The following PDS5A variants were observed in gnomAD, a reference collection of about 807,000 sequenced individuals.
The protein encoded by PDS5A is sister chromatid cohesion protein PDS5 homolog A.
A neutral mutation model predicts 167.1 loss-of-function variants in PDS5A; 42 were observed. The ratio of observed to expected loss-of-function variants is 0.25; its 90% CI spans 0.20 to 0.33. The LOEUF is 0.33. Ranked by LOEUF, PDS5A falls within the 10% of genes least tolerant of loss-of-function variation. The pLI, the probability that PDS5A is intolerant of heterozygous loss-of-function variation, is 1.00. For synonymous variants in PDS5A, 553 were observed against 554.6 expected (o/e 1.00, Z 0.04); for missense variants, 1,033 against 1,605.9 (o/e 0.64, Z 6.10).
At chr4:39,971,840 T>G (rs1375133742) in intron 2 of PDS5A, among the ~76,000 whole-genome samples, 1 of 152,210 alleles carries the variant, frequency 6.6e-6, no homozygotes, top group Admixed American at 6.5e-5. Flanking sequence ...TTTATAAAAT[T>G]ATCAATAACT....
At chr4:39,841,147 A>G (rs946254097) in intron 31 of PDS5A, among the ~76,000 whole-genome samples, 2 of 151,624 alleles carry the variant, frequency 1.3e-5, no homozygotes, top group Non-Finnish European at 2.9e-5. Context: ...AAAACTCTCA[A>G]TTCCTTTTTT....
intron 9 of PDS5A, 138 bp from the exon 10 acceptor site, chr4:39,910,476 A>AGATTG: frequency 1.7e-6 from 1 of 580,554 alleles, no homozygotes; most frequent in South Asian, 2.2e-5. Context: ...GGTATTCTGA[A>AGATTG]GGAAGAATAT....
At chr4:39,825,551 A>C in intron 32 of PDS5A, 63 bp from the exon 33 acceptor site, 1 of 1,252,818 alleles carries the variant, frequency 8.0e-7, no homozygotes, top group Non-Finnish European at 1.1e-6. Flanking sequence ...ACCAAACGAA[A>C]ATGATTTCAT....
At chr4:39,839,215 C>T (rs186588772) in intron 31 of PDS5A, among the ~76,000 whole-genome samples, 86 of 151,972 alleles carry the variant, frequency 5.7e-4, no homozygotes, top group African/African-American at 2.0e-3. Flanking sequence ...TACCTGAATC[C>T]ACTGACATGC....
chr4:39,938,050 C>T (rs1726804682), intron 2 of PDS5A, among the ~76,000 whole-genome samples: 1 of 152,192 alleles, frequency 6.6e-6, no homozygotes. Flanking sequence ...GCTGACTGTT[C>T]AAACCGTGAT....
intron 8 of PDS5A, 86 bp from the exon 9 acceptor site, chr4:39,913,812 T>C: frequency 1.3e-6 from 1 of 769,754 alleles, no homozygotes; most frequent in Non-Finnish European, 2.3e-6. Context: ...GAAGATACTA[T>C]TTCATATTTC....
intron 2 of PDS5A, among the ~76,000 whole-genome samples, chr4:39,957,216 T>C (rs1294149287): frequency 6.6e-6 from 1 of 151,910 alleles, no homozygotes; most frequent in South Asian, 2.1e-4. Context: ...CTTAACAAAA[T>C]AAAATAATGG....
chr4:39,965,503 C>T (rs1041442714), intron 2 of PDS5A, among the ~76,000 whole-genome samples: 4 of 152,154 alleles, frequency 2.6e-5, no homozygotes, highest in Admixed American at 2.0e-4. Flanking sequence ...GGAAACAATT[C>T]AAGTGTTCAC....
intron 32 of PDS5A, among the ~76,000 whole-genome samples, chr4:39,831,907 A>G (rs1715924295): frequency 2.0e-5 from 3 of 147,224 alleles, no homozygotes; most frequent in African/African-American, 2.5e-5. Flanking sequence ...AAAAAAAAGA[A>G]TATTAGGGGT....
At chr4:39,938,838 C>T (rs1252329770) in intron 2 of PDS5A, among the ~76,000 whole-genome samples, 6 of 151,844 alleles carry the variant, frequency 4.0e-5, no homozygotes, top group South Asian at 2.1e-4. Flanking sequence ...GGCGTGGTGG[C>T]GCATGCCTGT....
At chr4:39,967,638 C>T (rs1040752963) in intron 2 of PDS5A, among the ~76,000 whole-genome samples, 2 of 151,106 alleles carry the variant, frequency 1.3e-5, no homozygotes, top group Non-Finnish European at 2.9e-5. Context: ...CAGAGCAAGA[C>T]TCCATCTCAA....
intron 21 of PDS5A, among the ~76,000 whole-genome samples, chr4:39,870,065 C>T (rs762824958): frequency 6.6e-6 from 1 of 151,830 alleles, no homozygotes; most frequent in South Asian, 2.1e-4. Flanking sequence ...GCTGACATTG[C>T]GCCACCTCAC....
At position 39,857,316 on chromosome 4, in the gene PDS5A, C is replaced by T. The variant is rs569345748; in HGVS notation, c.3086+4903G>A. Among the ~76,000 whole-genome samples the T allele has an allele frequency of 4.4e-3, 624 of 143,022 alleles. 5 individuals carry two copies. Among genetic ancestry groups the T allele is most frequent in the African/African-American group, 0.016 (603 of 38,276 alleles). The allele number at this position is 143,022 out of a possible 152,430, so 93.8% of individuals were successfully genotyped here. ...GCAGTGAGCCGAGATCGCGCCACTGCATTCCAGCCTGGGCGACAGAGTGAG... is the reference window on the plus strand; with the variant it reads ...GCAGTGAGCCGAGATCGCGCCACTGTATTCCAGCCTGGGCGACAGAGTGAG... On this transcript the variant is annotated intron_variant, in intron 26 of 32. Transcript: ENST00000303538.
intron 2 of PDS5A, among the ~76,000 whole-genome samples, chr4:39,962,103 G>A (rs754536421): frequency 5.3e-5 from 8 of 151,950 alleles, no homozygotes; most frequent in Non-Finnish European, 1.2e-4. Context: ...TGTTGCCCAG[G>A]ATGGAGTGCA....
At chr4:39,971,148 T>TTTTTG (rs572977071) in intron 2 of PDS5A, among the ~76,000 whole-genome samples, 61 of 149,580 alleles carry the variant, frequency 4.1e-4, no homozygotes, top group Non-Finnish European at 7.4e-4. Context: ...TTTAAGATGT[T>TTTTTG]TTTTGTTTTG....
intron 29 of PDS5A, among the ~76,000 whole-genome samples, chr4:39,845,282 TTAA>T (rs1016429057): frequency 2.7e-4 from 41 of 152,196 alleles, no homozygotes; most frequent in Admixed American, 2.6e-4. Flanking sequence ...ATATCTCTAC[TTAA>T]TAATAACTAG....
intron 16 of PDS5A, among the ~76,000 whole-genome samples, chr4:39,895,219 A>C (rs1156934574): frequency 1.3e-5 from 2 of 150,136 alleles, no homozygotes; most frequent in East Asian, 2.0e-4. Flanking sequence ...AAAAAAAAAA[A>C]AAAGAGAAAT....
intron 16 of PDS5A, among the ~76,000 whole-genome samples, chr4:39,895,326 CATGTTACT>C (rs1206046564): frequency 6.6e-6 from 1 of 151,858 alleles, no homozygotes; most frequent in Non-Finnish European, 1.5e-5. Flanking sequence ...AATTGTACAG[CATGTTACT>C]ATGCTAAATA....
intron 28 of PDS5A, chr4:39,847,828 A>C (rs1717761095): frequency 1.3e-5 from 2 of 152,194 alleles, no homozygotes; most frequent in Admixed American, 1.3e-4. Flanking sequence ...AGGGGTCTCC[A>C]ACCCACGAAC....
Sources: allele counts gnomAD v4.1 joint callset (sites outside exome capture counted in the v4.1 genomes callset), GRCh38; gene constraint gnomAD v4.1.1; transcripts MANE v1.5; gene names NCBI Gene and HGNC (gene_info 2026-07-23, HGNC 2026-07-21).